The following BBX variants were observed in gnomAD, a reference collection of about 807,000 sequenced individuals.
BBX encodes the protein BBX high mobility group box domain containing.
Under a neutral mutation model 100.2 loss-of-function variants are expected in BBX, and 30 were observed. The observed-to-expected ratio is 0.30, with a 90% CI of 0.22 to 0.41. BBX has a LOEUF of 0.41. BBX is among the 10% of genes least tolerant of loss of function. The pLI is 1.00. For synonymous variants in BBX, 376 were observed against 388.1 expected (o/e 0.97, Z 0.37); for missense variants, 1,023 against 1,129.8 (o/e 0.91, Z 1.35).
intron 17 of BBX, among the ~76,000 whole-genome samples, chr3:107,803,578 T>C (rs905444312): frequency 6.6e-6 from 1 of 152,070 alleles, no homozygotes; most frequent in Non-Finnish European, 1.5e-5. Flanking sequence ...AAATAGAGAG[T>C]TGGAACAAAC....
intron 2 of BBX, among the ~76,000 whole-genome samples, chr3:107,566,148 C>A (rs1443387190): frequency 1.3e-5 from 1 of 75,642 alleles, no homozygotes; most frequent in Non-Finnish European, 2.6e-5. Flanking sequence ...GCACTCCAGT[C>A]TGGGCAACAA....
At chr3:107,565,849 G>A (rs2050857153) in intron 2 of BBX, among the ~76,000 whole-genome samples, 1 of 151,400 alleles carries the variant, frequency 6.6e-6, no homozygotes, top group Non-Finnish European at 1.5e-5. Context: ...TCTTTTCTTA[G>A]CTAAGAAATT....
At chr3:107,757,767 T>C (rs1466449598) in intron 10 of BBX, among the ~76,000 whole-genome samples, 1 of 152,184 alleles carries the variant, frequency 6.6e-6, no homozygotes, top group South Asian at 2.1e-4. Flanking sequence ...TCACAAAATA[T>C]AACGTTTAAT....
rs1168841598 is a variant in BBX, at chr3:107,801,161, A to G, written c.2618A>G (p.Lys873Arg). 3 of 1,614,220 alleles carry G rather than the reference A, an allele frequency of 1.9e-6. No individual in the cohort carries two copies. Among genetic ancestry groups the G allele is most frequent in the Admixed American group, 1.7e-5 (1 of 60,030 alleles). ...GCAACTGAGACAGACTGCAATGACA[A>G]ATGCTCACACAACACCGAGGTCGGG... ...PKATETDCND[K>R]CSHNTEVGET... Residue 873 changes from lysine (K) to arginine (R), a missense_variant, in exon 17 of 18, where the codon AAA (lysine) becomes AGA (arginine). This residue lies in a region of BBX where 104 missense variants were observed against 132.2 expected (regional missense o/e 0.79). Coordinates refer to ENST00000325805, the MANE Select transcript of BBX (RefSeq NM_001142568.3).
At chr3:107,551,028 C>T (rs953191224) in intron 2 of BBX, among the ~76,000 whole-genome samples, 5 of 151,984 alleles carry the variant, frequency 3.3e-5, no homozygotes, top group East Asian at 1.9e-4. Context: ...GAGAGTTTAG[C>T]GCTATCTAAG....
At chr3:107,648,654 T>A (rs1356314916) in intron 3 of BBX, among the ~76,000 whole-genome samples, 2 of 152,184 alleles carry the variant, frequency 1.3e-5, no homozygotes, top group African/African-American at 2.4e-5. Flanking sequence ...AGCTTAACAG[T>A]TGCATCCGGG....
intron 2 of BBX, among the ~76,000 whole-genome samples, chr3:107,626,649 A>G (rs2056198161): frequency 1.6e-5 from 2 of 125,978 alleles, no homozygotes; most frequent in Non-Finnish European, 3.2e-5. Flanking sequence ...GGACCTTTCC[A>G]TAGGATTTTT....
At chr3:107,577,497 G>A (rs756832234) in intron 2 of BBX, among the ~76,000 whole-genome samples, 1 of 152,224 alleles carries the variant, frequency 6.6e-6, no homozygotes, top group Admixed American at 6.5e-5. Flanking sequence ...TATGACTTGG[G>A]CAAGTTATTT....
rs938663626 is a variant in BBX, at chr3:107,810,158, C to T, written c.*4701C>T. On this transcript the variant is annotated 3_prime_UTR_variant, in exon 18 of 18. Transcript: ENST00000325805. ...AATGTATTTGACTCCCTCATAATCC[C>T]CATCTGTATGTGCTACCCTTCCTTC... 1 of 151,530 alleles carries T rather than the reference C, an allele frequency of 6.6e-6. No homozygotes were observed. Among genetic ancestry groups the T allele is most frequent in the African/African-American group, 2.4e-5 (1 of 41,212 alleles). 9.4% of individuals were successfully genotyped at this position (151,530 alleles called of 1,614,324 possible). A position where few individuals can be genotyped will look rare whatever the true frequency, so the allele number is the denominator to read the frequency against.
At chr3:107,764,250 C>T (rs2066180378) in intron 10 of BBX, among the ~76,000 whole-genome samples, 1 of 152,204 alleles carries the variant, frequency 6.6e-6, no homozygotes. Flanking sequence ...CCTCAGCCTC[C>T]CAAAGTGCGG....
chr3:107,700,253 G>A lies in BBX; in HGVS notation c.-9-10199G>A, dbSNP rs1366753951. Among the ~76,000 whole-genome samples the A allele has an allele frequency of 2.0e-5, 3 of 151,596 alleles. 1 individual carries two copies. The highest frequency in any genetic ancestry group is 7.3e-5 in the African/African-American group (3 of 40,970). ...AGGGAAACATATAGATTGGGAGTGT[G>A]GTGAGGGAAGGAGTTGACCTTGAAT... On this transcript the variant is annotated intron_variant, in intron 3 of 17. Coordinates refer to ENST00000325805, the MANE Select transcript of BBX (RefSeq NM_001142568.3).
intron 2 of BBX, among the ~76,000 whole-genome samples, chr3:107,554,538 A>G (rs995457757): frequency 6.6e-5 from 10 of 152,218 alleles, no homozygotes; most frequent in Admixed American, 6.5e-4. Flanking sequence ...TAATATACAA[A>G]TTTTAATATA....
At chr3:107,672,012 AT>A (rs2059046023) in intron 3 of BBX, among the ~76,000 whole-genome samples, 1 of 152,052 alleles carries the variant, frequency 6.6e-6, no homozygotes, top group Admixed American at 6.6e-5. Flanking sequence ...GATAAAATGA[AT>A]TTTTGAAGTT....
chr3:107,748,761 T>C (rs2064828085), intron 9 of BBX, among the ~76,000 whole-genome samples: 1 of 152,210 alleles, frequency 6.6e-6, no homozygotes, highest in Non-Finnish European at 1.5e-5. Flanking sequence ...TTTAGGTCTT[T>C]TCTTTTTTCC....
At chr3:107,656,931 G>A (rs1419246317) in intron 3 of BBX, 1 of 152,192 alleles carries the variant, frequency 6.6e-6, no homozygotes, top group East Asian at 1.9e-4. Context: ...AGTATGGAAA[G>A]GTGAATAGAC....
At chr3:107,560,298 G>A (rs599984) in intron 2 of BBX, among the ~76,000 whole-genome samples, 16,307 of 151,402 alleles carry the variant, frequency 0.11, 984 homozygotes, top group Non-Finnish European at 0.12. Context: ...CTTTTATCCC[G>A]TCTTGTTTTT....
At chr3:107,792,255 C>G (rs2069140111) in intron 15 of BBX, among the ~76,000 whole-genome samples, 2 of 152,106 alleles carry the variant, frequency 1.3e-5, no homozygotes, top group Admixed American at 1.3e-4. Context: ...TTTTGTAGGG[C>G]TTAATTAGGA....
chr3:107,663,473 C>G (rs1413987913), intron 3 of BBX, among the ~76,000 whole-genome samples: 1 of 152,054 alleles, frequency 6.6e-6, no homozygotes, highest in Non-Finnish European at 1.5e-5. Context: ...CACAGTGTGC[C>G]CCACCCAGAT....
At chr3:107,703,562 G>A (rs1576420139) in intron 3 of BBX, among the ~76,000 whole-genome samples, 2 of 152,158 alleles carry the variant, frequency 1.3e-5, no homozygotes, top group African/African-American at 4.8e-5. Context: ...TGAATAGTGG[G>A]TGCCTTATTA....
Sources: gnomAD v4.1 joint callset for allele counts (sites outside exome capture counted in the v4.1 genomes callset) on GRCh38, gnomAD v4.1.1 for gene constraint, gnomAD v4.1.1 regional missense constraint, MANE v1.5 for transcripts, NCBI Gene and HGNC (gene_info 2026-07-23, HGNC 2026-07-21) for gene names.